The following JPH2 variants were observed in gnomAD, a reference collection of about 807,000 sequenced individuals.
JPH2 encodes the protein junctophilin 2.
Under a neutral mutation model 55.9 loss-of-function variants are expected in JPH2, and 38 were observed. That is an observed-to-expected ratio of 0.68 (90% confidence interval 0.52 to 0.89). The LOEUF is 0.89. Ranked by LOEUF, JPH2 falls within the 40% of genes least tolerant of loss-of-function variation. The pLI is 0.00. For synonymous variants in JPH2, 480 were observed against 472.4 expected (o/e 1.02, Z -0.21); for missense variants, 964 against 1,037.6 (o/e 0.93, Z 0.97).
At chr20:44,166,717 G>C (rs2072658429) in intron 1 of JPH2, among the ~76,000 whole-genome samples, 1 of 152,200 alleles carries the variant, frequency 6.6e-6, no homozygotes, top group Non-Finnish European at 1.5e-5. Flanking sequence ...CTCCCTCCAA[G>C]ACAGGACAGT....
Position 44,186,391 on chromosome 20 carries a change from C to G in JPH2, c.315G>C (p.Lys105Asn). The change falls in exon 1 of 6, where the codon AAG becomes AAC. Residue 105 changes from lysine to asparagine, a missense_variant. Coordinates refer to ENST00000372980, the MANE Select transcript of JPH2 (RefSeq NM_020433.5). ...GGCCATTGTTCCAGGTGCCCTCATA[C>G]TTGGCACCGCTGCTTGAGCTCTGCC... ...GIRQSSSSGA[K>N]YEGTWNNGLQ... 6.2e-7 allele frequency: 1 copy of G among 1,613,702 alleles called. No homozygotes were observed. The highest frequency in any genetic ancestry group is 2.2e-5 in the East Asian group (1 of 44,860).
At chr20:44,131,842 T>C (rs1329797300) in intron 2 of JPH2, among the ~76,000 whole-genome samples, 1 of 152,206 alleles carries the variant, frequency 6.6e-6, no homozygotes, top group African/African-American at 2.4e-5. Context: ...CCAAATGACT[T>C]CTGGAAACTT....
intron 2 of JPH2, among the ~76,000 whole-genome samples, chr20:44,148,031 C>G (rs2072504528): frequency 6.6e-6 from 1 of 152,098 alleles, no homozygotes; most frequent in Non-Finnish European, 1.5e-5. Flanking sequence ...GCGGTAGTGG[C>G]ACGCACCTGT....
intron 2 of JPH2, among the ~76,000 whole-genome samples, chr20:44,148,728 G>A (rs550304515): frequency 2.6e-5 from 4 of 151,864 alleles, no homozygotes; most frequent in African/African-American, 4.8e-5. Flanking sequence ...ATTCAACACC[G>A]GGCAGACTGC....
At chr20:44,116,846 G>C (rs987277139) in intron 3 of JPH2, among the ~76,000 whole-genome samples, 5 of 152,240 alleles carry the variant, frequency 3.3e-5, no homozygotes, top group Admixed American at 6.5e-5. Flanking sequence ...AGACCAGCAG[G>C]GGGAGCGCTG....
At chr20:44,130,490 G>A (rs1042472664) in intron 2 of JPH2, among the ~76,000 whole-genome samples, 2 of 152,244 alleles carry the variant, frequency 1.3e-5, no homozygotes, top group Non-Finnish European at 2.9e-5. Context: ...TGTGCAGGAC[G>A]GAGATCTGGC....
At chr20:44,143,443 AG>A (rs1411787026) in intron 2 of JPH2, among the ~76,000 whole-genome samples, 1 of 152,168 alleles carries the variant, frequency 6.6e-6, no homozygotes, top group Non-Finnish European at 1.5e-5. Context: ...AGGCTGCAGG[AG>A]GCCCCTTCAC....
chr20:44,124,819 AAAGT>A (rs1470596063), intron 2 of JPH2, among the ~76,000 whole-genome samples: 2 of 151,586 alleles, frequency 1.3e-5, no homozygotes, highest in Non-Finnish European at 1.5e-5. Context: ...GAAAAAAAAA[AAAGT>A]AAGGCCAGGC....
chr20:44,162,882 T>A (rs1209223348), intron 1 of JPH2, among the ~76,000 whole-genome samples: 1 of 148,974 alleles, frequency 6.7e-6, no homozygotes, highest in Non-Finnish European at 1.5e-5. Flanking sequence ...TGTTTAAAAC[T>A]GCAATCTGCT....
At chr20:44,134,913 AAATATATATATTT>A (rs879412578) in intron 2 of JPH2, among the ~76,000 whole-genome samples, 45,004 of 119,288 alleles carry the variant, frequency 0.38, 8,939 homozygotes, top group Admixed American at 0.51. Context: ...TATATATATA[AAATATATATATTT>A]ATATATATAT....
At chr20:44,137,745 C>A (rs1441337289) in intron 2 of JPH2, among the ~76,000 whole-genome samples, 4 of 152,288 alleles carry the variant, frequency 2.6e-5, no homozygotes, top group Non-Finnish European at 1.5e-5. Flanking sequence ...GTTGCCTTAT[C>A]CCATCATAGC....
At chr20:44,153,934 G>A (rs1303107430) in intron 2 of JPH2, among the ~76,000 whole-genome samples, 1 of 152,104 alleles carries the variant, frequency 6.6e-6, no homozygotes, top group African/African-American at 2.4e-5. Context: ...TCAGGGTGTT[G>A]GCATGACAAC....
chr20:44,120,398 A>G (rs1296913720), intron 2 of JPH2, among the ~76,000 whole-genome samples: 1 of 152,210 alleles, frequency 6.6e-6, no homozygotes, highest in African/African-American at 2.4e-5. Context: ...CTTAACTCAC[A>G]GAAGTACCTA....
chr20:44,179,585 C>T (rs1410270543), intron 1 of JPH2, among the ~76,000 whole-genome samples: 1 of 152,072 alleles, frequency 6.6e-6, no homozygotes, highest in African/African-American at 2.4e-5. Context: ...CTCGTAGGAC[C>T]CAGCACTCAG....
At chr20:44,181,148 C>T (rs17755028) in intron 1 of JPH2, among the ~76,000 whole-genome samples, 22,502 of 152,034 alleles carry the variant, frequency 0.15, 2,092 homozygotes, top group Non-Finnish European at 0.21. Context: ...AGAGCTTATC[C>T]TCAGACCAAA....
intron 2 of JPH2, among the ~76,000 whole-genome samples, chr20:44,142,257 A>G (rs1439528901): frequency 6.6e-6 from 1 of 152,180 alleles, no homozygotes; most frequent in Non-Finnish European, 1.5e-5. Context: ...TGTCCCAGCT[A>G]TCGAACACTT....
At chr20:44,141,254 T>G (rs772399108) in intron 2 of JPH2, among the ~76,000 whole-genome samples, 21 of 152,186 alleles carry the variant, frequency 1.4e-4, no homozygotes, top group Non-Finnish European at 2.8e-4. Flanking sequence ...TCTCTACATC[T>G]GGGGAAGGTC....
chr20:44,158,475 C>CA (rs1475553525), intron 2 of JPH2, among the ~76,000 whole-genome samples: 1 of 152,146 alleles, frequency 6.6e-6, no homozygotes. Context: ...AGCTCATCTG[C>CA]AAAACAGAAA....
At chr20:44,123,434 C>T (rs371185790) in intron 2 of JPH2, among the ~76,000 whole-genome samples, 3 of 152,210 alleles carry the variant, frequency 2.0e-5, no homozygotes, top group African/African-American at 7.2e-5. Flanking sequence ...AGCGGCTCAG[C>T]GAGCTTGCTT....
Sources: allele counts gnomAD v4.1 joint callset (sites outside exome capture counted in the v4.1 genomes callset), GRCh38; gene constraint gnomAD v4.1.1; transcripts MANE v1.5; gene names NCBI Gene and HGNC (gene_info 2026-07-23, HGNC 2026-07-21).